The following TMEM87A variants were observed in gnomAD, a reference collection of about 807,000 sequenced individuals.
TMEM87A encodes transmembrane protein 87A.
A neutral mutation model predicts 90.0 loss-of-function variants in TMEM87A; 50 were observed. The ratio of observed to expected loss-of-function variants is 0.56; its 90% confidence interval spans 0.44 to 0.70. TMEM87A has a LOEUF of 0.70. Among genes scored for constraint, TMEM87A ranks in the 30% least tolerant of loss-of-function variants. The pLI is 0.00. For synonymous variants in TMEM87A, 226 were observed against 226.7 expected (o/e 1.00, Z 0.03); for missense variants, 577 against 660.5 (o/e 0.87, Z 1.39).
Position 42,239,695 on chromosome 15 carries a change from G to A in TMEM87A, c.659C>T (p.Thr220Ile). The change falls in exon 8 of 20, where the codon ACA becomes ATA. Residue 220 changes from threonine to isoleucine, a missense_variant. Transcript: ENST00000389834. ...AATCATCAAGGGATAGTCTTCAAGT[G>A]TGAGGTATTCATAGGGACCCTTCAC... ...VEVKGPYEYL[T>I]LEDYPLMIFF... The A allele has an allele frequency of 6.2e-7, 1 of 1,613,918 alleles. No homozygotes were observed. The highest frequency in any genetic ancestry group is 8.5e-7 in the Non-Finnish European group (1 of 1,179,798).
Position 42,210,577 on chromosome 15 carries a change from G to A in TMEM87A, c.*1131C>T, listed in dbSNP as rs553793906. 6.6e-5 allele frequency: 10 copies of A among 152,562 alleles called. No individual in the cohort carries two copies. In the East Asian group the frequency reaches 1.7e-3, roughly 26 times the overall value. The allele number at this position is 152,562 out of a possible 1,614,324, so 9.5% of individuals were successfully genotyped here. A position where few individuals can be genotyped will look rare whatever the true frequency, so the allele number is the denominator to read the frequency against. On this transcript the variant is annotated 3_prime_UTR_variant, in exon 20 of 20. Transcript: ENST00000389834. ...TTAAAAAGTGGCATGAACTTTTTAT[G>A]TAGAACAAAAATCTTGGGAAGGCAA... is the stretch of plus-strand genomic sequence containing the variant.
chr15:42,229,628 G>A (rs1368008586), intron 12 of TMEM87A, among the ~76,000 whole-genome samples: 1 of 152,094 alleles, frequency 6.6e-6, no homozygotes, highest in Non-Finnish European at 1.5e-5. Context: ...GTCCCCTCAT[G>A]CCATCTTAAG....
intron 19 of TMEM87A, 97 bp from the exon 20 acceptor site, chr15:42,211,846 G>A: frequency 9.3e-7 from 1 of 1,073,670 alleles, no homozygotes; most frequent in Middle Eastern, 2.1e-4. Flanking sequence ...TCTTCCACGA[G>A]TACTTTATGT....
chr15:42,241,080 T>C (rs1033878062), intron 7 of TMEM87A, among the ~76,000 whole-genome samples: 16 of 152,220 alleles, frequency 1.1e-4, no homozygotes, highest in Admixed American at 3.3e-4. Context: ...CTCGCAGAGT[T>C]GGGTAGTTAT....
chr15:42,265,241 G>C (rs1234625883), intron 3 of TMEM87A, among the ~76,000 whole-genome samples: 1 of 152,100 alleles, frequency 6.6e-6, no homozygotes, highest in African/African-American at 2.4e-5. Context: ...GGGATTGCTG[G>C]GTCAAATGGT....
intron 19 of TMEM87A, among the ~76,000 whole-genome samples, chr15:42,215,731 C>CA: frequency 6.6e-6 from 1 of 152,066 alleles, no homozygotes; most frequent in Admixed American, 6.5e-5. Flanking sequence ...TATCAAAAAA[C>CA]AAAAAATAAC....
intron 19 of TMEM87A, among the ~76,000 whole-genome samples, chr15:42,216,419 A>G (rs1039710026): frequency 1.3e-5 from 2 of 152,248 alleles, no homozygotes; most frequent in African/African-American, 4.8e-5. Flanking sequence ...TACCTGGAAA[A>G]TCTTGCACAG....
chr15:42,265,970 C>T (rs1259268414), intron 3 of TMEM87A, among the ~76,000 whole-genome samples: 1 of 152,162 alleles, frequency 6.6e-6, no homozygotes, highest in African/African-American at 2.4e-5. Context: ...AATAGGGAGT[C>T]CTTTCCCCAT....
intron 11 of TMEM87A, 61 bp downstream of exon 11, chr15:42,233,152 T>A: frequency 7.1e-7 from 1 of 1,406,880 alleles, no homozygotes. Flanking sequence ...CAATCCACAC[T>A]GTCAAGATGT....
intron 15 of TMEM87A, 65 bp downstream of exon 15, chr15:42,226,741 G>A: frequency 7.2e-7 from 1 of 1,394,320 alleles, no homozygotes; most frequent in Middle Eastern, 1.8e-4. Context: ...GTCCCCCAAT[G>A]CACCACCCCT....
chr15:42,212,298 G>T (rs961565598), intron 19 of TMEM87A, among the ~76,000 whole-genome samples: 2 of 151,760 alleles, frequency 1.3e-5, no homozygotes, highest in African/African-American at 4.8e-5. Flanking sequence ...CCCTTCTTAG[G>T]CAATTTTATA....
intron 6 of TMEM87A, among the ~76,000 whole-genome samples, chr15:42,260,065 T>C (rs2140977401): frequency 6.6e-6 from 1 of 152,294 alleles, no homozygotes; most frequent in East Asian, 1.9e-4. Context: ...AATTATATGC[T>C]TTAATAACTT....
At chr15:42,218,642 CGTAA>C (rs2050421166) in intron 17 of TMEM87A, among the ~76,000 whole-genome samples, 1 of 152,140 alleles carries the variant, frequency 6.6e-6, no homozygotes, top group South Asian at 2.1e-4. Flanking sequence ...TTAGATTCGA[CGTAA>C]GTGAGATCAT....
At chr15:42,247,666 A>C (rs2051003367) in intron 6 of TMEM87A, among the ~76,000 whole-genome samples, 1 of 152,170 alleles carries the variant, frequency 6.6e-6, no homozygotes, top group Non-Finnish European at 1.5e-5. Flanking sequence ...TGGTACCAGT[A>C]CCATGCTGTT....
In TMEM87A at chr15:42,261,262, C is replaced by A. The variant is rs370570476; in HGVS notation, c.406-13G>T. The A allele has an allele frequency of 9.3e-6, 15 of 1,610,668 alleles. No individual in the cohort carries two copies. Among genetic ancestry groups the A allele is most frequent in the African/African-American group, 8.0e-5 (6 of 74,864 alleles). On this transcript the variant is annotated splice_polypyrimidine_tract_variant and intron_variant, in intron 4 of 19. Coordinates refer to ENST00000389834, the MANE Select transcript of TMEM87A (RefSeq NM_015497.5). ...CTCCAGAAAAGGTCTATAAAAGAAA[C>A]ACAAAACAAAACATTAAAGGTGTGT...
At chr15:42,251,501 C>G (rs1364614225) in intron 6 of TMEM87A, among the ~76,000 whole-genome samples, 6 of 152,188 alleles carry the variant, frequency 3.9e-5, no homozygotes, top group South Asian at 2.1e-4. Flanking sequence ...AGTCAGGTCC[C>G]TCAGCTGCAG....
chr15:42,245,395 T>C (rs1219804353), intron 6 of TMEM87A, among the ~76,000 whole-genome samples: 2 of 152,164 alleles, frequency 1.3e-5, no homozygotes, highest in African/African-American at 2.4e-5. Flanking sequence ...CTAAAATAAA[T>C]TGATCAATTC....
At chr15:42,230,063 G>A (rs1595716578) in intron 12 of TMEM87A, among the ~76,000 whole-genome samples, 2 of 152,166 alleles carry the variant, frequency 1.3e-5, no homozygotes, top group African/African-American at 4.8e-5. Flanking sequence ...TGAGCTTAAA[G>A]CAATCTGCCC....
At chr15:42,211,916 G>A (rs182507619) in intron 19 of TMEM87A, among the ~76,000 whole-genome samples, 167 bp from the exon 20 acceptor site, 44 of 152,266 alleles carry the variant, frequency 2.9e-4, no homozygotes, top group African/African-American at 1.1e-3. Flanking sequence ...ACATACAGAT[G>A]TCCAGACCTC....
Sources: gnomAD v4.1 joint callset for allele counts (sites outside exome capture counted in the v4.1 genomes callset) on GRCh38, gnomAD v4.1.1 for gene constraint, MANE v1.5 for transcripts, NCBI Gene and HGNC (gene_info 2026-07-23, HGNC 2026-07-21) for gene names.